The following CDK19 variants were observed in gnomAD, a reference collection of about 807,000 sequenced individuals.
The protein encoded by CDK19 is cyclin-dependent kinase 19.
A neutral mutation model predicts 68.3 loss-of-function variants in CDK19; 20 were observed. The observed-to-expected ratio is 0.29, with a 90% confidence interval of 0.21 to 0.43. The LOEUF is 0.43. Among genes scored for constraint, CDK19 ranks in the 20% least tolerant of loss-of-function variants. The probability of loss-of-function intolerance (pLI) is 1.00; values close to 1 mark genes in which losing one functional copy is unlikely to be tolerated. For synonymous variants in CDK19, 221 were observed against 222.8 expected (o/e 0.99, Z 0.07); for missense variants, 339 against 623.5 (o/e 0.54, Z 4.86).
At chr6:110,721,911 C>T (rs1463457891) in intron 2 of CDK19, among the ~76,000 whole-genome samples, 5 of 152,118 alleles carry the variant, frequency 3.3e-5, no homozygotes, top group African/African-American at 1.2e-4. Context: ...TTGCAGTGAG[C>T]CGAGATCACG....
At chr6:110,798,897 CT>C (rs1170477169) in intron 1 of CDK19, among the ~76,000 whole-genome samples, 1 of 151,738 alleles carries the variant, frequency 6.6e-6, no homozygotes, top group African/African-American at 2.4e-5. Context: ...AATCCTAGTA[CT>C]TTGGGAGGCT....
At chr6:110,697,499 A>G (rs1773579903) in intron 2 of CDK19, among the ~76,000 whole-genome samples, 1 of 152,210 alleles carries the variant, frequency 6.6e-6, no homozygotes, top group Non-Finnish European at 1.5e-5. Context: ...CACTGCTGAA[A>G]GAAGTCATAG....
intron 1 of CDK19, among the ~76,000 whole-genome samples, chr6:110,796,977 T>G (rs1353403463): frequency 1.4e-5 from 2 of 142,890 alleles, no homozygotes; most frequent in African/African-American, 2.7e-5. Context: ...GCCACTGCAC[T>G]CCAGCCGAGG....
chr6:110,804,444 G>A (rs1205001439), intron 1 of CDK19, among the ~76,000 whole-genome samples: 1 of 151,738 alleles, frequency 6.6e-6, no homozygotes, highest in Admixed American at 6.6e-5. Context: ...CCGGGTTCAA[G>A]CGATTCTCCT....
intron 4 of CDK19, among the ~76,000 whole-genome samples, chr6:110,651,755 T>C (rs1343485942): frequency 6.6e-6 from 1 of 152,184 alleles, no homozygotes; most frequent in Admixed American, 6.5e-5. Flanking sequence ...TTTGACAATG[T>C]TTGAATAATA....
At chr6:110,771,078 T>C (rs1427607864) in intron 1 of CDK19, among the ~76,000 whole-genome samples, 2 of 152,158 alleles carry the variant, frequency 1.3e-5, no homozygotes, top group East Asian at 3.9e-4. Context: ...TCCAGGTGCA[T>C]GGTGCAAGCT....
chr6:110,678,517 C>T (rs984081138), intron 2 of CDK19, among the ~76,000 whole-genome samples: 12 of 152,150 alleles, frequency 7.9e-5, no homozygotes, highest in African/African-American at 2.9e-4. Context: ...ACTCTTTTCC[C>T]AAATATCTCC....
At chr6:110,772,072 C>G (rs1780052899) in intron 1 of CDK19, among the ~76,000 whole-genome samples, 1 of 152,208 alleles carries the variant, frequency 6.6e-6, no homozygotes, top group Admixed American at 6.5e-5. Flanking sequence ...CTGCCAAAGT[C>G]ACTTCCACAT....
rs140365410 is a variant in CDK19, at chr6:110,815,017, C to T, written c.120G>A (p.Arg40=). ...CCCGCCCCTGCTCTTACCCATCTTT[C>T]CGCCTCGCCTTGTAGACGTGACCGT... The part of the protein sequence containing the change: ...GTYGHVYKAR[R]KDGKDEKEYA... Residue 40 remains arginine, a synonymous_variant, in exon 1 of 13, where the codon CGG becomes CGA. Transcript: ENST00000368911. 1.9e-6 allele frequency: 3 copies of T among 1,604,256 alleles called. No homozygotes were observed. The highest frequency in any genetic ancestry group is 2.7e-5 in the African/African-American group (2 of 73,002).
chr6:110,770,704 C>A (rs1779956082), intron 1 of CDK19, among the ~76,000 whole-genome samples: 1 of 152,122 alleles, frequency 6.6e-6, no homozygotes, highest in Non-Finnish European at 1.5e-5. Flanking sequence ...CCCAAAAGTC[C>A]ACAGTCCAAA....
rs1649950775 is a variant in CDK19 at position 110,612,202 on chromosome 6, G to A, written c.*2333C>T. The stretch of plus-strand genomic sequence containing the variant: ...GGTAACCTCCTTGAGAGCAAGAACA[G>A]ACCTTCTATTTTCCTTGCAATTTCC... On this transcript the variant is annotated 3_prime_UTR_variant, in exon 13 of 13. Transcript: ENST00000368911. 6.6e-6 allele frequency: 1 copy of A among 152,184 alleles called. No homozygotes were observed. Among genetic ancestry groups the A allele is most frequent in the Admixed American group, 6.5e-5 (1 of 15,278 alleles). The allele number at this position is 152,184 out of a possible 1,614,324, so 9.4% of individuals were successfully genotyped here.
At chr6:110,744,011 G>GTTTTTTT (rs5879078) in intron 2 of CDK19, among the ~76,000 whole-genome samples, 3 of 113,356 alleles carry the variant, frequency 2.6e-5, no homozygotes, top group African/African-American at 3.5e-5. Flanking sequence ...ACCTCCCCAC[G>GTTTTTTT]TTTTTTTTTT....
chr6:110,734,328 G>A (rs9487503), intron 2 of CDK19, among the ~76,000 whole-genome samples: 43,535 of 151,884 alleles, frequency 0.29, 6,943 homozygotes, highest in East Asian at 0.68. Flanking sequence ...AACTTTTAAC[G>A]GTACCTCTAT....
At chr6:110,673,460 C>T (rs562786014) in intron 2 of CDK19, among the ~76,000 whole-genome samples, 1 of 151,818 alleles carries the variant, frequency 6.6e-6, no homozygotes, top group Non-Finnish European at 1.5e-5. Flanking sequence ...TGTATATATA[C>T]CCAGAAGTGA....
chr6:110,646,409 G>T (rs1780579856), intron 4 of CDK19: 1 of 1,486,332 alleles, frequency 6.7e-7, no homozygotes, highest in East Asian at 2.5e-5. Flanking sequence ...GCTGGCGGGC[G>T]GCGACATGGC....
At chr6:110,704,744 C>G (rs549280148) in intron 2 of CDK19, among the ~76,000 whole-genome samples, 6 of 152,120 alleles carry the variant, frequency 3.9e-5, no homozygotes, top group African/African-American at 1.4e-4. Context: ...ATGTGTTCTA[C>G]AACTATATAG....
At chr6:110,667,358 T>C in intron 4 of CDK19, 76 bp downstream of exon 4, 1 of 966,292 alleles carries the variant, frequency 1.0e-6, no homozygotes, top group African/African-American at 1.7e-5. Flanking sequence ...TTTATTATAA[T>C]GGTACCAAGA....
intron 1 of CDK19, among the ~76,000 whole-genome samples, chr6:110,759,428 A>AAAAAAAATAT (rs1275389842): frequency 2.4e-4 from 12 of 50,902 alleles, no homozygotes; most frequent in East Asian, 8.3e-4. Flanking sequence ...AAAAAAAAAA[A>AAAAAAAATAT]ATATATATAT....
intron 2 of CDK19, among the ~76,000 whole-genome samples, chr6:110,726,903 G>C (rs536210848): frequency 6.6e-6 from 1 of 152,168 alleles, no homozygotes; most frequent in South Asian, 2.1e-4. Context: ...AAGTCTACAA[G>C]GTACTCTCGT....
Sources: allele counts gnomAD v4.1 joint callset (sites outside exome capture counted in the v4.1 genomes callset), GRCh38; gene constraint gnomAD v4.1.1; transcripts MANE v1.5; gene names NCBI Gene and HGNC (gene_info 2026-07-23, HGNC 2026-07-21).